Variants in PELI2 observed in about 807,000 individuals in gnomAD.
The protein encoded by PELI2 is E3 ubiquitin-protein ligase pellino homolog 2.
In PELI2, 23 loss-of-function variants were observed where a neutral mutation model predicts 42.3. The ratio of observed to expected loss-of-function variants is 0.54; its 90% CI spans 0.39 to 0.77. The LOEUF is 0.77. PELI2 is among the 30% of genes least tolerant of loss of function. The pLI is 0.00. For synonymous variants in PELI2, 245 were observed against 212.2 expected (o/e 1.15, Z -1.34); for missense variants, 463 against 553.2 (o/e 0.84, Z 1.64).
chr14:56,195,920 A>G (rs1171988446), intron 2 of PELI2, among the ~76,000 whole-genome samples: 1 of 152,230 alleles, frequency 6.6e-6, no homozygotes, highest in Non-Finnish European at 1.5e-5. Context: ...ACAGGAGAGC[A>G]TGGCCTCTGC....
chr14:56,227,867 C>G (rs4901657), intron 2 of PELI2, among the ~76,000 whole-genome samples: 60,496 of 151,614 alleles, frequency 0.4, 12,800 homozygotes, highest in South Asian at 0.53. Context: ...GCTCATAAGC[C>G]AGATTGAAGG....
rs567186884 is a variant in PELI2 at position 56,197,387 on chromosome 14, G to A, written c.207+18923G>A. ...AGGCAGGCTTGAGGGCTGGTTAGTG[G>A]GGAGTTGGAGCTTGGGATGAGATGA... On this transcript the variant is annotated intron_variant, in intron 2 of 5. Transcript: ENST00000267460. This position sits in a 1 kb window ranked among gnomAD's most constrained non-coding sequence, Gnocchi z 4.9. Among the ~76,000 whole-genome samples, 2 of 152,266 alleles carry A rather than the reference G, an allele frequency of 1.3e-5. No individual in the cohort carries two copies. The highest frequency in any genetic ancestry group is 4.2e-4 in the South Asian group (2 of 4,812).
intron 2 of PELI2, among the ~76,000 whole-genome samples, chr14:56,217,760 G>C (rs553860731): frequency 3.3e-4 from 50 of 152,228 alleles, no homozygotes; most frequent in Admixed American, 1.6e-3. Context: ...TCATCTCTCT[G>C]TTCTCTCCTC....
chr14:56,129,895 A>G (rs1288965149), intron 1 of PELI2, among the ~76,000 whole-genome samples: 1 of 152,182 alleles, frequency 6.6e-6, no homozygotes, highest in African/African-American at 2.4e-5. Flanking sequence ...TGTTTGCTGC[A>G]GGTGGTGGTC....
Position 56,189,372 on chromosome 14 carries a change from T to G in PELI2, c.207+10908T>G, listed in dbSNP as rs1885879983. ...CCATCTTGATGTATACTTCAAAGATTATGTAGGACGAGGTAAGAGAGAGAA... is the reference window on the plus strand; with the variant it reads ...CCATCTTGATGTATACTTCAAAGATGATGTAGGACGAGGTAAGAGAGAGAA... On this transcript the variant is annotated intron_variant, in intron 2 of 5. Coordinates refer to ENST00000267460, the MANE Select transcript of PELI2 (RefSeq NM_021255.3). Among the ~76,000 whole-genome samples, 3 of 152,316 alleles carry G rather than the reference T, an allele frequency of 2.0e-5. No individual in the cohort carries two copies. In the South Asian group the frequency reaches 6.2e-4, roughly 32 times the overall value.
intron 2 of PELI2, among the ~76,000 whole-genome samples, chr14:56,263,304 C>G (rs2139840683): frequency 6.6e-6 from 1 of 152,194 alleles, no homozygotes; most frequent in South Asian, 2.1e-4. Flanking sequence ...TTTAAATATT[C>G]AGCCAATTGA....
At chr14:56,189,357 GTA>G (rs1207081737) in intron 2 of PELI2, among the ~76,000 whole-genome samples, 2 of 152,196 alleles carry the variant, frequency 1.3e-5, no homozygotes, top group Non-Finnish European at 2.9e-5. Context: ...CCATCTTGAT[GTA>G]TACTTCAAAG....
intron 5 of PELI2, among the ~76,000 whole-genome samples, chr14:56,292,429 C>T (rs925030493): frequency 6.6e-6 from 1 of 152,310 alleles, no homozygotes; most frequent in Non-Finnish European, 1.5e-5. Flanking sequence ...ATTCATGACT[C>T]ATTGGTCCTG....
chr14:56,182,758 A>G (rs1885631652), intron 2 of PELI2, among the ~76,000 whole-genome samples: 1 of 152,180 alleles, frequency 6.6e-6, no homozygotes, highest in African/African-American at 2.4e-5. Context: ...ACACTTTCTT[A>G]TCAGTTGATG....
At chr14:56,151,953 T>C (rs546552943) in intron 1 of PELI2, among the ~76,000 whole-genome samples, 28 of 152,198 alleles carry the variant, frequency 1.8e-4, no homozygotes, top group Non-Finnish European at 3.2e-4. Flanking sequence ...CCAAGGCTGC[T>C]GTAGTCCACA....
intron 1 of PELI2, among the ~76,000 whole-genome samples, chr14:56,153,361 A>G (rs974766610): frequency 3.9e-5 from 6 of 152,196 alleles, no homozygotes; most frequent in South Asian, 2.1e-4. Flanking sequence ...AATTGTCATT[A>G]GAGTCAAACT....
At chr14:56,164,479 A>G (rs932083929) in intron 1 of PELI2, among the ~76,000 whole-genome samples, 2 of 152,110 alleles carry the variant, frequency 1.3e-5, no homozygotes, top group African/African-American at 4.8e-5. Flanking sequence ...ATTATTCACC[A>G]GAGATATTAG....
At chr14:56,246,267 A>T (rs1888152190) in intron 2 of PELI2, among the ~76,000 whole-genome samples, 1 of 152,190 alleles carries the variant, frequency 6.6e-6, no homozygotes, top group Admixed American at 6.5e-5. Flanking sequence ...CAACAGCTGT[A>T]ACTGTTACAA....
rs1039783443 is a variant in PELI2 at position 56,273,830 on chromosome 14, G to A, written c.208-5846G>A. ...TGCTGTACACTGCAAGTGACAAAAT[G>A]CCTAACGAAAAGCAGCCTAAAACCC... On this transcript the variant is annotated intron_variant, in intron 2 of 5. Coordinates refer to ENST00000267460, the MANE Select transcript of PELI2 (RefSeq NM_021255.3). The surrounding 1 kb of genome is among the most constrained non-coding windows in gnomAD (Gnocchi z 4.3). Among the ~76,000 whole-genome samples, 4 of 152,218 alleles carry A rather than the reference G, an allele frequency of 2.6e-5. No homozygotes were observed. The highest frequency in any genetic ancestry group is 2.0e-4 in the Admixed American group (3 of 15,282).
chr14:56,268,858 C>T (rs778817855), intron 2 of PELI2, among the ~76,000 whole-genome samples: 1 of 152,122 alleles, frequency 6.6e-6, no homozygotes, highest in Non-Finnish European at 1.5e-5. Context: ...TTCAGATCTG[C>T]ACCCCTGCTG....
chr14:56,286,711 G>T (rs771878070), intron 3 of PELI2, among the ~76,000 whole-genome samples: 2 of 152,126 alleles, frequency 1.3e-5, no homozygotes, highest in Non-Finnish European at 2.9e-5. Context: ...TTTTTCAGCA[G>T]GAAAGTGACT....
rs372656481 is a variant in PELI2, at chr14:56,297,158, A to G, written c.1255A>G (p.Ile419Val). The change falls in exon 6 of 6, where the codon ATT becomes GTT. Residue 419 changes from isoleucine (I) to valine (V), a missense_variant. Ile to Val is a conservative substitution (Grantham distance 29, BLOSUM62 3). Around this residue, in one of 3 missense-constraint regions of PELI2, gnomAD observed 103 missense variants for 129.6 expected, o/e 0.80. Coordinates refer to ENST00000267460, the MANE Select transcript of PELI2 (RefSeq NM_021255.3). ...CATCAAATTAATTTTCCAAGGTCCA[A>G]TTGACTGACGCCCTTGACAGCCATC... is the stretch of plus-strand genomic sequence containing the variant. Reference protein sequence around the residue: ...NCIKLIFQGPID With the variant: ...NCIKLIFQGPVD The G allele has an allele frequency of 3.1e-6, 5 of 1,596,952 alleles. No individual in the cohort carries two copies. Among genetic ancestry groups the G allele is most frequent in the East Asian group, 2.2e-5 (1 of 44,762 alleles).
At chr14:56,188,001 G>A (rs1436923565) in intron 2 of PELI2, among the ~76,000 whole-genome samples, 1 of 152,198 alleles carries the variant, frequency 6.6e-6, no homozygotes, top group Non-Finnish European at 1.5e-5. Flanking sequence ...TCAGCCTGGT[G>A]TACTAGCCCT....
intron 1 of PELI2, among the ~76,000 whole-genome samples, chr14:56,139,295 G>C (rs1209588580): frequency 6.6e-6 from 1 of 152,124 alleles, no homozygotes; most frequent in Non-Finnish European, 1.5e-5. Context: ...AATACAGTGG[G>C]ATTGAAAAAT....
Sources: gnomAD v4.1 joint callset for allele counts (sites outside exome capture counted in the v4.1 genomes callset) on GRCh38, gnomAD v4.1.1 for gene constraint, gnomAD v4.1.1 regional missense constraint, Gnocchi (gnomAD v3.1) non-coding constraint, MANE v1.5 for transcripts, NCBI Gene and HGNC (gene_info 2026-07-23, HGNC 2026-07-21) for gene names.